The following STK32B variants were observed in gnomAD, a reference collection of about 807,000 sequenced individuals.
STK32B encodes the protein serine/threonine-protein kinase 32B.
Under a neutral mutation model 52.6 loss-of-function variants are expected in STK32B, and 43 were observed. The observed-to-expected ratio is 0.82, with a 90% CI of 0.64 to 1.05. The LOEUF (loss-of-function observed/expected upper bound fraction) is 1.05. STK32B is among the 50% of genes least tolerant of loss of function. The probability of loss-of-function intolerance (pLI) is 0.00; values close to 1 mark genes in which losing one functional copy is unlikely to be tolerated. For synonymous variants in STK32B, 238 were observed against 204.3 expected, an observed-to-expected ratio of 1.17 and a Z score of -1.41; for missense variants, 621 against 534.6, an observed-to-expected ratio of 1.16 and a Z score of -1.59.
In STK32B at chr4:5,431,753, C is replaced by A. The variant is rs530749489; in HGVS notation, c.562+14819C>A. ...ATTGCTAGCAATGCTACTAGCATCT[C>A]CCCAAAAAGAGAAATTATCAGACTG... On this transcript the variant is annotated intron_variant, in intron 6 of 11. Coordinates refer to ENST00000282908, the MANE Select transcript of STK32B (RefSeq NM_018401.3). 2.0e-5 allele frequency among the ~76,000 whole-genome samples: 3 copies of A among 152,290 alleles called. No homozygotes were observed. The South Asian group carries it at 6.2e-4, about 32-fold the overall frequency.
chr4:5,155,150 C>T (rs1253875624), intron 2 of STK32B, among the ~76,000 whole-genome samples: 2 of 152,208 alleles, frequency 1.3e-5, no homozygotes, highest in Non-Finnish European at 2.9e-5. Flanking sequence ...CAGGTGTTTG[C>T]AAGGCTCACT....
the STK32B span, among the ~76,000 whole-genome samples, chr4:5,033,137 A>G: frequency 2.0e-5 from 3 of 152,104 alleles, no homozygotes; most frequent in Non-Finnish European, 4.4e-5. Context: ...CACCCCACAC[A>G]CTAGCCTATA....
chr4:5,351,072 TAACAAC>T (rs200530895), intron 4 of STK32B, among the ~76,000 whole-genome samples: 108 of 151,786 alleles, frequency 7.1e-4, no homozygotes, highest in African/African-American at 2.1e-3. Flanking sequence ...GACTGAAAAT[TAACAAC>T]AACAACAACA....
At chr4:5,052,157 G>A (rs1180138052) in intron 1 of STK32B, among the ~76,000 whole-genome samples, 1 of 152,210 alleles carries the variant, frequency 6.6e-6, no homozygotes, top group African/African-American at 2.4e-5. Flanking sequence ...CTGGGGAGGC[G>A]GCTTCAGAGA....
intron 4 of STK32B, among the ~76,000 whole-genome samples, chr4:5,337,436 A>C (rs1015905750): frequency 6.6e-6 from 1 of 152,182 alleles, no homozygotes; most frequent in African/African-American, 2.4e-5. Context: ...ATGGACTCCA[A>C]AATGAATGAA....
At chr4:5,308,230 C>T (rs542190491) in intron 3 of STK32B, among the ~76,000 whole-genome samples, 2 of 152,224 alleles carry the variant, frequency 1.3e-5, no homozygotes, top group East Asian at 1.9e-4. Flanking sequence ...TCTTGGCTGT[C>T]CCACAGAGCC....
At chr4:5,205,855 C>T (rs1255590520) in intron 3 of STK32B, among the ~76,000 whole-genome samples, 1 of 152,120 alleles carries the variant, frequency 6.6e-6, no homozygotes, top group Non-Finnish European at 1.5e-5. Context: ...TTCTCATCTC[C>T]CATCCTCCTT....
At chr4:5,154,933 A>G (rs114207640) in intron 2 of STK32B, among the ~76,000 whole-genome samples, 1 of 152,058 alleles carries the variant, frequency 6.6e-6, no homozygotes, top group Non-Finnish European at 1.5e-5. Context: ...CCTCCCTCCC[A>G]CTCGGGATAT....
At chr4:5,258,124 C>T (rs1726456003) in intron 3 of STK32B, among the ~76,000 whole-genome samples, 1 of 152,184 alleles carries the variant, frequency 6.6e-6, no homozygotes, top group African/African-American at 2.4e-5. Context: ...CTCAAAACAG[C>T]ACCTAGCGGA....
Position 5,482,529 on chromosome 4 carries a change from C to A in STK32B, c.1106+14459C>A, listed in dbSNP as rs545504743. ...CTAGATATACAATCATGTCATCTGCCAACAGGGACAATTTGACTTCCTCTT... is the reference window on the plus strand; with the variant it reads ...CTAGATATACAATCATGTCATCTGCAAACAGGGACAATTTGACTTCCTCTT... On this transcript the variant is annotated intron_variant, in intron 11 of 11. Coordinates refer to ENST00000282908, the MANE Select transcript of STK32B (RefSeq NM_018401.3). Among the ~76,000 whole-genome samples, 308 of 152,200 alleles carry A rather than the reference C, an allele frequency of 2.0e-3. 1 individual carries two copies. Among genetic ancestry groups the A allele is most frequent in the African/African-American group, 7.0e-3 (292 of 41,546 alleles).
At position 5,214,757 on chromosome 4, in the gene STK32B, A is replaced by G. The variant is rs1393760158; in HGVS notation, c.260+46307A>G. 2.6e-5 allele frequency among the ~76,000 whole-genome samples: 4 copies of G among 152,332 alleles called. No individual in the cohort carries two copies. In the East Asian group the frequency reaches 5.8e-4, roughly 22 times the overall value. ...TTTGCTTATTTTCAGAAGATACTGTATATACAGATTTGAATTTTCATTTTT... is the reference window on the plus strand; with the variant it reads ...TTTGCTTATTTTCAGAAGATACTGTGTATACAGATTTGAATTTTCATTTTT... On this transcript the variant is annotated intron_variant, in intron 3 of 11. Coordinates refer to ENST00000282908, the MANE Select transcript of STK32B (RefSeq NM_018401.3).
chr4:5,260,047 A>T (rs571304006), intron 3 of STK32B, among the ~76,000 whole-genome samples: 1 of 151,792 alleles, frequency 6.6e-6, no homozygotes, highest in South Asian at 2.1e-4. Context: ...CTTATCCTCC[A>T]ATGTGGAAAC....
In STK32B at chr4:5,196,334, G is replaced by GTTTTTTT. The variant is rs35605834; in HGVS notation, c.260+27903_260+27909dup. ...TTTCCTCTCCTCTCTTCTTTCTTCA[G>GTTTTTTT]TTTTTTTTTTTTTTTTTTTTTTTTT... On this transcript the variant is annotated intron_variant, in intron 3 of 11. Coordinates refer to ENST00000282908, the MANE Select transcript of STK32B (RefSeq NM_018401.3). 1.1e-3 allele frequency among the ~76,000 whole-genome samples: 99 copies of GTTTTTTT among 87,646 alleles called. 3 individuals are homozygous for GTTTTTTT. The highest frequency in any genetic ancestry group is 2.3e-3 in the South Asian group (5 of 2,156). The allele number at this position is 87,646 out of a possible 152,430, so 57.5% of individuals were successfully genotyped here.
intron 1 of STK32B, among the ~76,000 whole-genome samples, chr4:5,086,150 T>A (rs1195707329): frequency 6.6e-6 from 1 of 152,186 alleles, no homozygotes; most frequent in Non-Finnish European, 1.5e-5. Flanking sequence ...TCTGTCTATT[T>A]CTGGGAATCT....
intron 2 of STK32B, among the ~76,000 whole-genome samples, chr4:5,159,753 A>T (rs13147677): frequency 0.25 from 25,956 of 102,524 alleles, 7,384 homozygotes; most frequent in African/African-American, 0.34. Flanking sequence ...ATATGAATGT[A>T]TATGAATATA....
intron 3 of STK32B, among the ~76,000 whole-genome samples, chr4:5,189,231 T>G (rs1206500715): frequency 6.6e-6 from 1 of 152,090 alleles, no homozygotes; most frequent in East Asian, 1.9e-4. Flanking sequence ...TGTGGACAAA[T>G]GTATAATGAT....
At chr4:5,243,757 A>T (rs60075951) in intron 3 of STK32B, among the ~76,000 whole-genome samples, 2 of 152,030 alleles carry the variant, frequency 1.3e-5, no homozygotes, top group Non-Finnish European at 2.9e-5. Context: ...TGTCCCATCA[A>T]TACCTAATTT....
chr4:5,025,964 G>A, the STK32B span, among the ~76,000 whole-genome samples: 1 of 152,196 alleles, frequency 6.6e-6, no homozygotes, highest in Admixed American at 6.5e-5. Context: ...GGGTGGTCCA[G>A]GACACCATGT....
At chr4:5,096,396 G>A (rs1713394797) in intron 1 of STK32B, among the ~76,000 whole-genome samples, 1 of 152,130 alleles carries the variant, frequency 6.6e-6, no homozygotes, top group African/African-American at 2.4e-5. Flanking sequence ...CAACATTTCT[G>A]CATCCCCACC....
Sources: allele counts gnomAD v4.1 joint callset (sites outside exome capture counted in the v4.1 genomes callset), GRCh38; gene constraint gnomAD v4.1.1; transcripts MANE v1.5; gene names NCBI Gene and HGNC (gene_info 2026-07-23, HGNC 2026-07-21).